Variants in CUX1 observed in about 807,000 individuals in gnomAD.
CUX1 encodes cut like homeobox 1.
CUX1 carries 31 observed loss-of-function variants against 158.8 expected under a neutral mutation model. The observed-to-expected ratio is 0.20, with a 90% confidence interval of 0.15 to 0.26. The LOEUF (loss-of-function observed/expected upper bound fraction) is 0.26. CUX1 is among the 10% of genes least tolerant of loss of function. The pLI is 1.00. For synonymous variants in CUX1, 879 were observed against 862.1 expected, an observed-to-expected ratio of 1.02 and a Z score of -0.34; for missense variants, 1,589 against 2,014.6, an observed-to-expected ratio of 0.79 and a Z score of 4.04.
At chr7:101,951,293 C>T (rs532458581) in intron 2 of CUX1, among the ~76,000 whole-genome samples, 63 of 151,148 alleles carry the variant, frequency 4.2e-4, no homozygotes, top group Non-Finnish European at 8.0e-4. Context: ...ATCATGCCAC[C>T]GCACTCCAGC....
At position 101,866,842 on chromosome 7, in the gene CUX1, C is replaced by A. The variant is rs569802433; in HGVS notation, c.30+49173C>A. Among the ~76,000 whole-genome samples the A allele has an allele frequency of 6.6e-5, 10 of 152,278 alleles. No individual in the cohort carries two copies. In the East Asian group the frequency reaches 1.3e-3, roughly 21 times the overall value. On this transcript the variant is annotated intron_variant, in intron 1 of 23. Transcript: ENST00000292535. ...TGCCCTCTAAGCATTTTATTGACTTCAAAACCTACAAAGGCGGCGCCATGG... is the reference window on the plus strand; with the variant it reads ...TGCCCTCTAAGCATTTTATTGACTTAAAAACCTACAAAGGCGGCGCCATGG...
intron 1 of CUX1, among the ~76,000 whole-genome samples, chr7:101,867,498 G>A (rs1047415323): frequency 2.6e-5 from 4 of 152,192 alleles, no homozygotes; most frequent in African/African-American, 7.2e-5. Context: ...ACCTCAGCAC[G>A]TGGTGTGTGG....
chr7:102,246,614 C>G (rs1398481145), intron 23 of CUX1, among the ~76,000 whole-genome samples: 2 of 152,010 alleles, frequency 1.3e-5, no homozygotes, highest in Non-Finnish European at 2.9e-5. Context: ...CTCTGTCGCC[C>G]AGGCTGGAGT....
At chr7:102,259,107 G>A (rs1434562562), downstream of CUX1, among the ~76,000 whole-genome samples, 1 of 152,202 alleles carries the variant, frequency 6.6e-6, no homozygotes, top group Non-Finnish European at 1.5e-5. Context: ...AGAATCGTAA[G>A]CCCCTCTCCC....
rs148570199 is a variant in CUX1 at position 102,156,430 on chromosome 7, A to G, written c.675-2130A>G. On this transcript the variant is annotated intron_variant, in intron 8 of 23. Coordinates refer to ENST00000292535, the MANE Select transcript of CUX1 (RefSeq NM_181552.4). ...GGGACAACCCAGGGAGGTTCCTGGC[A>G]TTATGATAACCCAGTCTCAAGGGAA... Among the ~76,000 whole-genome samples the G allele has an allele frequency of 5.9e-5, 9 of 152,254 alleles. No homozygotes were observed. The East Asian group carries it at 1.7e-3, about 29-fold the overall frequency.
chr7:101,893,995 T>C (rs576923339), intron 1 of CUX1, among the ~76,000 whole-genome samples: 1 of 152,242 alleles, frequency 6.6e-6, no homozygotes, highest in Non-Finnish European at 1.5e-5. Context: ...GTGTGAAATA[T>C]ATATTCAAGT....
chr7:101,827,120 T>C (rs1793393340), intron 1 of CUX1, among the ~76,000 whole-genome samples: 1 of 152,230 alleles, frequency 6.6e-6, no homozygotes, highest in Non-Finnish European at 1.5e-5. Flanking sequence ...GTAACATAAG[T>C]GTTGGTTAAA....
chr7:102,062,153 A>G (rs1824950196), intron 3 of CUX1, among the ~76,000 whole-genome samples: 1 of 152,144 alleles, frequency 6.6e-6, no homozygotes. Flanking sequence ...TCACTTACAT[A>G]CCATTGGCCA....
chr7:101,821,402 T>G (rs945251695), intron 1 of CUX1, among the ~76,000 whole-genome samples: 4 of 151,426 alleles, frequency 2.6e-5, no homozygotes, highest in Admixed American at 6.6e-5. Flanking sequence ...GCAGAGGCAC[T>G]ATCTCAGCTC....
chr7:102,011,490 C>G (rs1254505276), intron 2 of CUX1, among the ~76,000 whole-genome samples: 7 of 152,086 alleles, frequency 4.6e-5, no homozygotes, highest in Non-Finnish European at 1.0e-4. Flanking sequence ...TCAAGTGATT[C>G]TCCTGCCTCA....
Position 102,257,572 on chromosome 7 carries a change from T to G in CUX1, c.*8530T>G. ...GCATTGAATAAGAGACCTAGTTCTT[T>G]GCGTTTGTGCAATAACTCTTTGCTG... On this transcript the variant is annotated 3_prime_UTR_variant, in exon 24 of 24. Coordinates refer to ENST00000292535, the MANE Select transcript of CUX1 (RefSeq NM_181552.4). 1.0e-6 allele frequency: 1 copy of G among 985,424 alleles called. No individual in the cohort carries two copies. The highest frequency in any genetic ancestry group is 5.2e-4 in the Middle Eastern group (1 of 1,914). 61.0% of individuals were successfully genotyped at this position (985,424 alleles called of 1,614,324 possible).
chr7:102,202,340 A>T (rs2132043122), intron 18 of CUX1, 136 bp downstream of exon 18: 7 of 1,223,188 alleles, frequency 5.7e-6, no homozygotes, highest in Non-Finnish European at 7.8e-6. Flanking sequence ...CTCTGCTCCC[A>T]GACTTCCAAG....
upstream of CUX1, chr7:101,817,349 G>T: frequency 1.0e-6 from 1 of 984,830 alleles, no homozygotes; most frequent in South Asian, 4.7e-5. This position sits in a 1 kb window ranked among gnomAD's most constrained non-coding sequence, Gnocchi z 4.1. Flanking sequence ...CATGGAGCGC[G>T]CGGCGGGTGC....
intron 1 of CUX1, among the ~76,000 whole-genome samples, chr7:101,833,082 G>A (rs929353828): frequency 6.6e-6 from 1 of 152,024 alleles, no homozygotes; most frequent in Admixed American, 6.6e-5. Context: ...GGGTGCGTTC[G>A]ACTGAACGTG....
At chr7:101,913,915 T>C (rs552981279) in intron 1 of CUX1, among the ~76,000 whole-genome samples, 7 of 152,328 alleles carry the variant, frequency 4.6e-5, no homozygotes, top group Admixed American at 1.3e-4. Flanking sequence ...CTTTTATAAC[T>C]TCGGCTGCTG....
At chr7:101,859,767 G>T (rs964684069) in intron 1 of CUX1, among the ~76,000 whole-genome samples, 1 of 152,242 alleles carries the variant, frequency 6.6e-6, no homozygotes, top group South Asian at 2.1e-4. Flanking sequence ...TTCATGGGTA[G>T]TATCTTTAAG....
chr7:102,235,471 C>T (rs1799458474), intron 22 of CUX1, among the ~76,000 whole-genome samples: 1 of 152,066 alleles, frequency 6.6e-6, no homozygotes, highest in Non-Finnish European at 1.5e-5. Context: ...GAGTCCGAGG[C>T]AGGTGGATCA....
intron 1 of CUX1, among the ~76,000 whole-genome samples, chr7:101,893,247 A>G (rs1460125033): frequency 5.0e-5 from 7 of 139,160 alleles, no homozygotes; most frequent in African/African-American, 1.9e-4. Context: ...GGCTTAAGCA[A>G]CCCTCCTACC....
rs77630941 is a variant in CUX1, at chr7:102,217,020, T to C, written c.3131-10347T>C. 1.4e-3 allele frequency among the ~76,000 whole-genome samples: 208 copies of C among 152,360 alleles called. 4 individuals carry two copies. The East Asian group carries it at 0.035, about 26-fold the overall frequency. Reference sequence around the variant, plus strand: ...TTGTATGACATACATTTTGTCTTAATGCACAGGGACGCATTGATAAGTGTT... The same window carrying C: ...TTGTATGACATACATTTTGTCTTAACGCACAGGGACGCATTGATAAGTGTT... On this transcript the variant is annotated intron_variant, in intron 20 of 23. Coordinates refer to ENST00000292535, the MANE Select transcript of CUX1 (RefSeq NM_181552.4).
Sources: allele counts gnomAD v4.1 joint callset (sites outside exome capture counted in the v4.1 genomes callset), GRCh38; gene constraint gnomAD v4.1.1; non-coding constraint Gnocchi (gnomAD v3.1); transcripts MANE v1.5; gene names NCBI Gene and HGNC (gene_info 2026-07-23, HGNC 2026-07-21).